The following CUBN variants were observed in gnomAD, a reference collection of about 807,000 sequenced individuals.
CUBN encodes the protein cubilin, also known as 460 kDa receptor.
A neutral mutation model predicts 405.3 loss-of-function variants in CUBN; 282 were observed. That is an observed-to-expected ratio of 0.70 (90% CI 0.63 to 0.77). CUBN has a LOEUF of 0.77. Ranked by LOEUF, CUBN falls within the 30% of genes least tolerant of loss-of-function variation. CUBN has a pLI of 0.00. For synonymous variants in CUBN, 1,684 were observed against 1,617.0 expected (o/e 1.04, Z -0.99); for missense variants, 4,514 against 4,475.2 (o/e 1.01, Z -0.25).
intron 31 of CUBN, among the ~76,000 whole-genome samples, chr10:16,964,772 G>T (rs567557789): frequency 1.3e-5 from 2 of 152,148 alleles, no homozygotes; most frequent in African/African-American, 2.4e-5. Context: ...TCTTGCTGCC[G>T]CCAGGAATGT....
rs185133072 is a variant in CUBN, at chr10:17,013,356, C to T, written c.4168+6477G>A. Among the ~76,000 whole-genome samples, 4 of 151,884 alleles carry T rather than the reference C, an allele frequency of 2.6e-5. No homozygotes were observed. The East Asian group carries it at 5.8e-4, about 22-fold the overall frequency. On this transcript the variant is annotated intron_variant, in intron 28 of 66. Coordinates refer to ENST00000377833, the MANE Select transcript of CUBN (RefSeq NM_001081.4). ...TCTCACTCTCTGACTTTCTATCTCT[C>T]TGTCTCCTTCTCTTTCTTTCTCTTT...
At chr10:17,012,773 T>C (rs1297427125) in intron 28 of CUBN, among the ~76,000 whole-genome samples, 1 of 152,230 alleles carries the variant, frequency 6.6e-6, no homozygotes, top group African/African-American at 2.4e-5. Context: ...CTTGCACATT[T>C]GAGCAGACCA....
rs182380912 is a variant in CUBN, at chr10:17,106,499, G to A, written c.1112-924C>T. ...TGTAGTCCAGGCTAATCAGGAGGCCGAGGCAGGAGAATCACTTCAACCCAG... is the reference window on the plus strand; with the variant it reads ...TGTAGTCCAGGCTAATCAGGAGGCCAAGGCAGGAGAATCACTTCAACCCAG... On this transcript the variant is annotated intron_variant, in intron 10 of 66. Transcript: ENST00000377833. 3.4e-4 allele frequency among the ~76,000 whole-genome samples: 52 copies of A among 150,780 alleles called. 1 individual carries two copies. In the South Asian group the frequency reaches 8.4e-3, roughly 24 times the overall value.
intron 56 of CUBN, among the ~76,000 whole-genome samples, chr10:16,886,694 C>A (rs559316333): frequency 6.6e-6 from 1 of 152,286 alleles, no homozygotes; most frequent in East Asian, 1.9e-4. Flanking sequence ...GGAACTCAGG[C>A]ACTGAAGAGT....
Position 16,907,705 on chromosome 10 carries a change from A to G in CUBN, c.7534-26T>C, listed in dbSNP as rs762237931. On this transcript the variant is annotated intron_variant, in intron 48 of 66. Transcript: ENST00000377833. Reference sequence around the variant, plus strand: ...CTGTTGGAAAAAGAGTTTAACCTTCAGGCACACAATCCATCTTACTGCATA... The same window carrying G: ...CTGTTGGAAAAAGAGTTTAACCTTCGGGCACACAATCCATCTTACTGCATA... 5 of 1,609,972 alleles carry G rather than the reference A, an allele frequency of 3.1e-6. No homozygotes were observed. The Admixed American group carries it at 8.3e-5, about 27-fold the overall frequency.
intron 56 of CUBN, among the ~76,000 whole-genome samples, chr10:16,883,190 C>T (rs1182959928): frequency 6.6e-6 from 1 of 152,096 alleles, no homozygotes; most frequent in African/African-American, 2.4e-5. Flanking sequence ...TTAACTTTAC[C>T]CTGAGTAGCT....
intron 60 of CUBN, among the ~76,000 whole-genome samples, chr10:16,848,845 G>A (rs1839596655): frequency 6.6e-6 from 1 of 151,836 alleles, no homozygotes; most frequent in African/African-American, 2.4e-5. Context: ...GGTACCGTAG[G>A]TGCACAGCAC....
chr10:17,103,506 G>A (rs1429369008), intron 12 of CUBN, among the ~76,000 whole-genome samples: 1 of 152,150 alleles, frequency 6.6e-6, no homozygotes, highest in Non-Finnish European at 1.5e-5. Context: ...CTGTGTCCCT[G>A]TGACACCCAA....
chr10:16,955,305 G>A (rs1284807030), intron 31 of CUBN, among the ~76,000 whole-genome samples: 2 of 149,924 alleles, frequency 1.3e-5, no homozygotes, highest in African/African-American at 2.5e-5. Flanking sequence ...CCTGGGAGGC[G>A]GAGGTTGCAG....
intron 28 of CUBN, among the ~76,000 whole-genome samples, chr10:17,000,045 C>G (rs1265975620): frequency 6.6e-6 from 1 of 152,222 alleles, no homozygotes; most frequent in Admixed American, 6.5e-5. Flanking sequence ...ATGCTGCAGG[C>G]CCCTCGCAGG....
chr10:17,085,797 C>A, intron 15 of CUBN, 38 bp from the exon 16 acceptor site: 1 of 1,592,452 alleles, frequency 6.3e-7, no homozygotes, highest in South Asian at 1.1e-5. Flanking sequence ...TCAAAGTGGT[C>A]AGATTTTTAA....
intron 28 of CUBN, among the ~76,000 whole-genome samples, chr10:17,001,997 A>T (rs995785241): frequency 3.9e-5 from 6 of 152,218 alleles, no homozygotes; most frequent in Non-Finnish European, 8.8e-5. Context: ...TGTTTGTGAG[A>T]CAATGCTGCT....
rs1260960546 is a variant in CUBN at position 17,122,895 on chromosome 10, G to T, written c.493C>A (p.Pro165Thr). 6.2e-7 allele frequency: 1 copy of T among 1,612,388 alleles called. No homozygotes were observed. The highest frequency in any genetic ancestry group is 8.5e-7 in the Non-Finnish European group (1 of 1,178,454). Residue 165 changes from proline (P) to threonine (T), a missense_variant, in exon 6 of 67, where the codon CCT (proline) becomes ACT (threonine). This residue lies in a region of CUBN where 1,448 missense variants were observed against 1,388.0 expected (regional missense o/e 1.04). Coordinates refer to ENST00000377833, the MANE Select transcript of CUBN (RefSeq NM_001081.4). ...FCICPPQWKG[P>T]LCSADVNECE... is the part of the protein sequence containing the mutation. The stretch of plus-strand genomic sequence containing the variant: ...TCGTTAACATCAGCTGAGCAGAGAG[G>T]ACCCTGTGATCATATAAGGAACAAA...
chr10:17,116,120 C>T (rs1177668133), intron 6 of CUBN, among the ~76,000 whole-genome samples: 3 of 152,162 alleles, frequency 2.0e-5, no homozygotes, highest in Non-Finnish European at 4.4e-5. Flanking sequence ...GTCTTCTATC[C>T]ATAAAAAGCG....
intron 28 of CUBN, among the ~76,000 whole-genome samples, chr10:16,999,269 G>T (rs1833816635): frequency 6.6e-6 from 1 of 152,094 alleles, no homozygotes; most frequent in Non-Finnish European, 1.5e-5. Context: ...TCATCAAAGA[G>T]AAAGAAATCC....
intron 59 of CUBN, 51 bp from the exon 60 acceptor site, chr10:16,851,494 C>T (rs751988579): frequency 6.0e-6 from 9 of 1,495,414 alleles, no homozygotes; most frequent in Non-Finnish European, 5.6e-6. Context: ...ACCGACCTTA[C>T]ATTGTACATG....
chr10:17,028,234 T>C (rs1443337862), intron 27 of CUBN, among the ~76,000 whole-genome samples: 1 of 131,714 alleles, frequency 7.6e-6, no homozygotes, highest in Non-Finnish European at 1.5e-5. Flanking sequence ...CATTTATTAT[T>C]ATTATTATTA....
In CUBN at chr10:17,103,254, G is replaced by A. The variant is rs771975550; in HGVS notation, c.1418-17C>T. 6.7e-7 allele frequency: 1 copy of A among 1,481,664 alleles called. No homozygotes were observed. The highest frequency in any genetic ancestry group is 9.4e-7 in the Non-Finnish European group (1 of 1,059,000). The allele number at this position is 1,481,664 out of a possible 1,614,324, so 91.8% of individuals were successfully genotyped here. ...CTCCACAAACTGCAAAGGAAAAGAT[G>A]AACTGTGCTTTTCAGAGGTTCCTAA... On this transcript the variant is annotated splice_polypyrimidine_tract_variant and intron_variant, in intron 12 of 66. Coordinates refer to ENST00000377833, the MANE Select transcript of CUBN (RefSeq NM_001081.4).
At chr10:16,970,134 T>C (rs1234321028) in intron 31 of CUBN, among the ~76,000 whole-genome samples, 2 of 152,228 alleles carry the variant, frequency 1.3e-5, no homozygotes, top group Admixed American at 6.5e-5. Context: ...GTCTGGTACA[T>C]ATTTGGCACC....
Sources: allele counts gnomAD v4.1 joint callset (sites outside exome capture counted in the v4.1 genomes callset), GRCh38; gene constraint gnomAD v4.1.1; regional missense constraint gnomAD v4.1.1; transcripts MANE v1.5; gene names NCBI Gene and HGNC (gene_info 2026-07-23, HGNC 2026-07-21).